The following ARNT2 variants were observed in gnomAD, a reference collection of about 807,000 sequenced individuals.
The protein encoded by ARNT2 is aryl hydrocarbon receptor nuclear translocator 2, also known as ARNT protein 2.
In ARNT2, 36 loss-of-function variants were observed where a neutral mutation model predicts 91.7. The observed-to-expected ratio is 0.39, with a 90% confidence interval of 0.30 to 0.52. The LOEUF is 0.52. Ranked by LOEUF, ARNT2 falls within the 20% of genes least tolerant of loss-of-function variation. ARNT2 has a pLI of 0.72. For missense variants in ARNT2, 775 were observed against 939.3 expected (o/e 0.83, Z 2.29); for synonymous variants, 365 against 347.1 (o/e 1.05, Z -0.57).
At chr15:80,522,851 T>A (rs1422901109) in intron 8 of ARNT2, among the ~76,000 whole-genome samples, 1 of 150,380 alleles carries the variant, frequency 6.6e-6, no homozygotes, top group Non-Finnish European at 1.5e-5. Context: ...CATTAAAAAA[T>A]TTTTTTCTAC....
chr15:80,592,421 C>CTTCTAACAG (rs1050033321), intron 18 of ARNT2, among the ~76,000 whole-genome samples: 3 of 152,218 alleles, frequency 2.0e-5, no homozygotes, highest in African/African-American at 7.2e-5. Context: ...CCTCCAGGTC[C>CTTCTAACAG]TTCTAACAGG....
Position 80,404,443 on chromosome 15 carries a change from G to T in ARNT2, c.-73G>T. On this transcript the variant is annotated 5_prime_UTR_variant, in exon 1 of 19. Transcript: ENST00000303329. The surrounding 1 kb of genome is among the most constrained non-coding windows in gnomAD (Gnocchi z 5.5). ...GGCGCCTGGGCCTGACCGGGTCCCCGGGGCTGAGCGCCGGGCTCCGCGCCG... is the reference window on the plus strand; with the variant it reads ...GGCGCCTGGGCCTGACCGGGTCCCCTGGGCTGAGCGCCGGGCTCCGCGCCG... 1.9e-6 allele frequency: 2 copies of T among 1,071,260 alleles called. No homozygotes were observed. Among genetic ancestry groups the T allele is most frequent in the Non-Finnish European group, 2.3e-6 (2 of 858,478 alleles). The allele number at this position is 1,071,260 out of a possible 1,614,324, so 66.4% of individuals were successfully genotyped here. A position where few individuals can be genotyped will look rare whatever the true frequency, so the allele number is the denominator to read the frequency against.
In ARNT2 at chr15:80,576,742, G is replaced by A. The variant is rs1203150014; in HGVS notation, c.1514-124G>A. On this transcript the variant is annotated intron_variant, in intron 14 of 18. Transcript: ENST00000303329. The stretch of plus-strand genomic sequence containing the variant: ...AAGGCTGAGAAGATTGCGTGCAGGC[G>A]GGCTGCCCTGACTTGTGTCCTCCCG... The A allele has an allele frequency of 2.2e-5, 21 of 937,652 alleles. No homozygotes were observed. In the East Asian group the frequency reaches 3.6e-4, roughly 16 times the overall value. 58.1% of individuals were successfully genotyped at this position (937,652 alleles called of 1,614,324 possible).
chr15:80,441,728 G>T (rs1034246478), intron 1 of ARNT2, among the ~76,000 whole-genome samples: 3 of 152,138 alleles, frequency 2.0e-5, no homozygotes, highest in African/African-American at 7.2e-5. Flanking sequence ...GGTTTTCGCT[G>T]CCTACACTGT....
chr15:80,490,366 G>T (rs1897038124), intron 5 of ARNT2, among the ~76,000 whole-genome samples: 1 of 152,228 alleles, frequency 6.6e-6, no homozygotes, highest in Non-Finnish European at 1.5e-5. Flanking sequence ...GCTTCAAGGA[G>T]AAGGCTCTGG....
At position 80,448,333 on chromosome 15, in the gene ARNT2, G is replaced by A. The variant is rs746717162; in HGVS notation, c.32-2547G>A. Among the ~76,000 whole-genome samples, 3 of 152,188 alleles carry A rather than the reference G, an allele frequency of 2.0e-5. No homozygotes were observed. In the East Asian group the frequency reaches 5.8e-4, roughly 29 times the overall value. Reference sequence around the variant, plus strand: ...AAAGTTCTGGCCAATGAAATAGGACGTGAAAATAAGAAACTAGACATGAAA... The same window carrying A: ...AAAGTTCTGGCCAATGAAATAGGACATGAAAATAAGAAACTAGACATGAAA... On this transcript the variant is annotated intron_variant, in intron 1 of 18. Transcript: ENST00000303329.
intron 5 of ARNT2, among the ~76,000 whole-genome samples, chr15:80,482,332 G>T (rs1896902909): frequency 6.6e-6 from 1 of 152,212 alleles, no homozygotes; most frequent in Non-Finnish European, 1.5e-5. Context: ...AGGGAGCTGG[G>T]CACTGGCGTT....
At chr15:80,459,757 G>A (rs762858816) in intron 3 of ARNT2, among the ~76,000 whole-genome samples, 4 of 152,174 alleles carry the variant, frequency 2.6e-5, no homozygotes, top group Non-Finnish European at 5.9e-5. Context: ...TCAAACCCAG[G>A]CATCTGTGAA....
intron 3 of ARNT2, among the ~76,000 whole-genome samples, chr15:80,458,662 G>A (rs1392455110): frequency 6.6e-6 from 1 of 151,360 alleles, no homozygotes; most frequent in Admixed American, 6.6e-5. Flanking sequence ...CCCCATGACT[G>A]TGTCTTTTTT....
intron 8 of ARNT2, among the ~76,000 whole-genome samples, chr15:80,528,703 T>C (rs1445359632): frequency 6.6e-6 from 1 of 152,110 alleles, no homozygotes; most frequent in Non-Finnish European, 1.5e-5. Context: ...ACCTGTTGTC[T>C]CCCCACTCTC....
intron 5 of ARNT2, among the ~76,000 whole-genome samples, chr15:80,488,250 T>A (rs536145438): frequency 1.1e-4 from 17 of 152,272 alleles, no homozygotes; most frequent in Non-Finnish European, 2.4e-4. Flanking sequence ...CTTCAGTGGT[T>A]CAACATACAT....
At chr15:80,588,879 C>T (rs891426473) in intron 17 of ARNT2, among the ~76,000 whole-genome samples, 19 of 152,196 alleles carry the variant, frequency 1.2e-4, no homozygotes, top group African/African-American at 4.6e-4. Context: ...TGCCTGTTTG[C>T]TCCCTTTCCC....
At chr15:80,533,933 T>C (rs1350447601) in intron 8 of ARNT2, among the ~76,000 whole-genome samples, 1 of 152,262 alleles carries the variant, frequency 6.6e-6, no homozygotes, top group Non-Finnish European at 1.5e-5. Context: ...GTCTTTATTT[T>C]TATGGCCCTG....
chr15:80,461,212 A>G (rs372422799), intron 3 of ARNT2, among the ~76,000 whole-genome samples: 1 of 152,230 alleles, frequency 6.6e-6, no homozygotes, highest in East Asian at 1.9e-4. Context: ...ATCAATGTGT[A>G]TAAGTGCAAT....
At chr15:80,537,774 C>T (rs1368415221) in intron 8 of ARNT2, among the ~76,000 whole-genome samples, 1 of 152,240 alleles carries the variant, frequency 6.6e-6, no homozygotes, top group East Asian at 1.9e-4. Context: ...ACTGACATCC[C>T]TGGCAGGAGG....
intron 1 of ARNT2, among the ~76,000 whole-genome samples, chr15:80,425,152 C>T (rs1895915397): frequency 6.6e-6 from 1 of 152,200 alleles, no homozygotes. Context: ...AGCCTTGTTT[C>T]TGTCAAGAAA....
At chr15:80,513,612 G>A (rs543554841) in intron 6 of ARNT2, among the ~76,000 whole-genome samples, 6 of 151,550 alleles carry the variant, frequency 4.0e-5, no homozygotes, top group Non-Finnish European at 7.4e-5. Context: ...GACTGAGCAT[G>A]GCCAGGTCTC....
chr15:80,565,042 C>T (rs140884198), intron 12 of ARNT2, among the ~76,000 whole-genome samples: 11 of 152,188 alleles, frequency 7.2e-5, no homozygotes, highest in African/African-American at 2.6e-4. Flanking sequence ...CCCACCTCAG[C>T]CTCCCGAGTA....
At chr15:80,463,043 G>A (rs548795512) in intron 3 of ARNT2, among the ~76,000 whole-genome samples, 12 of 152,296 alleles carry the variant, frequency 7.9e-5, no homozygotes, top group African/African-American at 2.4e-4. Context: ...CAAGGTAGAC[G>A]TGTCCTGCAG....
Sources: allele counts gnomAD v4.1 joint callset (sites outside exome capture counted in the v4.1 genomes callset), GRCh38; gene constraint gnomAD v4.1.1; non-coding constraint Gnocchi (gnomAD v3.1); transcripts MANE v1.5; gene names NCBI Gene and HGNC (gene_info 2026-07-23, HGNC 2026-07-21).